Variants in CTNNA2 observed in about 807,000 individuals in gnomAD.
CTNNA2 encodes the protein catenin alpha 2.
In CTNNA2, 42 loss-of-function variants were observed where a neutral mutation model predicts 101.0. That is an observed-to-expected ratio of 0.42 (90% CI 0.32 to 0.54). CTNNA2 has a LOEUF of 0.54. Among genes scored for constraint, CTNNA2 ranks in the 20% least tolerant of loss-of-function variants. The pLI is 0.14. For synonymous variants in CTNNA2, 450 were observed against 456.4 expected, an observed-to-expected ratio of 0.99 and a Z score of 0.18; for missense variants, 871 against 1,223.1, an observed-to-expected ratio of 0.71 and a Z score of 4.29.
At chr2:79,230,838 T>G (rs1304070361) in intron 2 of CTNNA2, among the ~76,000 whole-genome samples, 1 of 152,250 alleles carries the variant, frequency 6.6e-6, no homozygotes, top group Non-Finnish European at 1.5e-5. Context: ...ATGCAAGACA[T>G]GGAGTCAAAT....
At chr2:79,648,031 A>G (rs575315431) in intron 1 of CTNNA2, among the ~76,000 whole-genome samples, 2 of 152,372 alleles carry the variant, frequency 1.3e-5, no homozygotes, top group African/African-American at 2.4e-5. Context: ...CCAAAGCTCA[A>G]TAGCAATGGA....
chr2:80,144,828 G>A (rs983338807), intron 7 of CTNNA2, among the ~76,000 whole-genome samples: 2 of 151,968 alleles, frequency 1.3e-5, no homozygotes, highest in African/African-American at 2.4e-5. Context: ...TTACTCTATG[G>A]CAGAGTTTGT....
At chr2:80,275,881 C>G (rs2149148363) in intron 7 of CTNNA2, among the ~76,000 whole-genome samples, 1 of 152,078 alleles carries the variant, frequency 6.6e-6, no homozygotes, top group Non-Finnish European at 1.5e-5. Context: ...TATTTTCTCT[C>G]TTTTTTAAAA....
At chr2:80,413,516 A>C (rs1679776144) in intron 8 of CTNNA2, among the ~76,000 whole-genome samples, 1 of 152,206 alleles carries the variant, frequency 6.6e-6, no homozygotes, top group South Asian at 2.1e-4. Flanking sequence ...TGAACAATGA[A>C]GAGTGCCTTC....
chr2:79,807,097 T>G (rs72824565), intron 3 of CTNNA2, among the ~76,000 whole-genome samples: 8,602 of 152,248 alleles, frequency 0.056, 291 homozygotes, highest in Middle Eastern at 0.13. Flanking sequence ...TTCTTTACTG[T>G]TATTTTAATG....
intron 3 of CTNNA2, among the ~76,000 whole-genome samples, chr2:79,806,553 G>A (rs1368206773): frequency 6.6e-6 from 1 of 152,026 alleles, no homozygotes; most frequent in Non-Finnish European, 1.5e-5. Context: ...TTGTCCGCAG[G>A]TGACTTAGAC....
intron 4 of CTNNA2, among the ~76,000 whole-genome samples, chr2:79,481,735 T>C (rs1671112317): frequency 6.6e-6 from 1 of 152,176 alleles, no homozygotes; most frequent in African/African-American, 2.4e-5. Context: ...TATGTGCAGC[T>C]TTTAAATAAC....
At chr2:80,515,197 T>C (rs954858315) in intron 9 of CTNNA2, among the ~76,000 whole-genome samples, 1 of 151,960 alleles carries the variant, frequency 6.6e-6, no homozygotes, top group African/African-American at 2.4e-5. Flanking sequence ...TTCAGGACCA[T>C]TCTCATGAGT....
chr2:79,586,729 A>T (rs1287612285), intron 1 of CTNNA2, among the ~76,000 whole-genome samples: 1 of 151,984 alleles, frequency 6.6e-6, no homozygotes, highest in Non-Finnish European at 1.5e-5. Flanking sequence ...TACATGAACA[A>T]GTTCTTTAGT....
chr2:79,606,872 T>C (rs1212463355), intron 1 of CTNNA2, among the ~76,000 whole-genome samples: 1 of 152,144 alleles, frequency 6.6e-6, no homozygotes, highest in Non-Finnish European at 1.5e-5. Flanking sequence ...AAAAGAGTTT[T>C]CAAGGGAACA....
chr2:79,561,955 A>G (rs1164614419), intron 1 of CTNNA2, among the ~76,000 whole-genome samples: 1 of 151,870 alleles, frequency 6.6e-6, no homozygotes, highest in Admixed American at 6.6e-5. Flanking sequence ...AAAAGTTTTT[A>G]ATTTTGAGGA....
intron 1 of CTNNA2, among the ~76,000 whole-genome samples, chr2:79,614,985 C>T (rs1449800083): frequency 1.3e-5 from 2 of 152,108 alleles, no homozygotes; most frequent in Non-Finnish European, 2.9e-5. Context: ...GTGACTAGCC[C>T]TAAATACTCT....
chr2:80,208,763 T>C (rs1366790912), intron 7 of CTNNA2, among the ~76,000 whole-genome samples: 2 of 152,206 alleles, frequency 1.3e-5, no homozygotes, highest in East Asian at 3.9e-4. Context: ...TGAATATCAG[T>C]ATTTTCACCC....
intron 4 of CTNNA2, among the ~76,000 whole-genome samples, chr2:79,411,500 G>A (rs1411146872): frequency 6.6e-6 from 1 of 152,000 alleles, no homozygotes; most frequent in Non-Finnish European, 1.5e-5. Context: ...AGAGAGAAAG[G>A]TCGGGTTACC....
At chr2:80,597,761 A>G (rs558911250) in intron 15 of CTNNA2, among the ~76,000 whole-genome samples, 1 of 152,338 alleles carries the variant, frequency 6.6e-6, no homozygotes, top group South Asian at 2.1e-4. Context: ...ATTCAAAACC[A>G]CAATGAGATA....
chr2:79,803,210 T>A (rs1676300196), intron 3 of CTNNA2, among the ~76,000 whole-genome samples: 1 of 152,180 alleles, frequency 6.6e-6, no homozygotes, highest in South Asian at 2.1e-4. Context: ...AAAAAATGTG[T>A]GCTTAATAAA....
intron 7 of CTNNA2, among the ~76,000 whole-genome samples, chr2:79,991,910 G>T (rs942679788): frequency 3.3e-5 from 5 of 152,074 alleles, no homozygotes; most frequent in Non-Finnish European, 5.9e-5. Flanking sequence ...AAGGCCTCAG[G>T]TATGTTCTTA....
chr2:79,345,878 T>A (rs76954911), intron 3 of CTNNA2, among the ~76,000 whole-genome samples: 3 of 150,442 alleles, frequency 2.0e-5, no homozygotes, highest in East Asian at 2.0e-4. Flanking sequence ...TTTTTTTTTT[T>A]AATACAGATG....
chr2:79,231,741 T>C (rs1441767114), intron 2 of CTNNA2, among the ~76,000 whole-genome samples: 1 of 152,150 alleles, frequency 6.6e-6, no homozygotes, highest in Non-Finnish European at 1.5e-5. Context: ...CTTTCAGCAA[T>C]GTATTGTAGT....
Sources: gnomAD v4.1 joint callset for allele counts (sites outside exome capture counted in the v4.1 genomes callset) on GRCh38, gnomAD v4.1.1 for gene constraint, MANE v1.5 for transcripts, NCBI Gene and HGNC (gene_info 2026-07-23, HGNC 2026-07-21) for gene names.